The following OPCML variants were observed in gnomAD, a reference collection of about 807,000 sequenced individuals.
The protein encoded by OPCML is opioid binding protein/cell adhesion molecule like, also known as opioid-binding protein/cell adhesion molecule.
OPCML carries 13 observed loss-of-function variants against 37.8 expected under a neutral mutation model. That is an observed-to-expected ratio of 0.34 (90% confidence interval 0.22 to 0.55). The LOEUF (loss-of-function observed/expected upper bound fraction) is 0.55. Ranked by LOEUF, OPCML falls within the 20% of genes least tolerant of loss-of-function variation. The probability of loss-of-function intolerance (pLI) is 0.91; values close to 1 mark genes in which losing one functional copy is unlikely to be tolerated. For missense variants in OPCML, 341 were observed against 435.6 expected (o/e 0.78, Z 1.93); for synonymous variants, 176 against 168.8 (o/e 1.04, Z -0.33).
chr11:132,912,193 A>G (rs1298979796), intron 2 of OPCML, among the ~76,000 whole-genome samples: 1 of 152,218 alleles, frequency 6.6e-6, no homozygotes. Context: ...AAGACTGCAA[A>G]GCTCTCAGAT....
intron 1 of OPCML, chr11:133,005,755 A>G (rs1947098677): frequency 1.0e-6 from 1 of 982,008 alleles, no homozygotes. Flanking sequence ...CTTTCTTTTT[A>G]AAAATTGAAT....
rs569965437 is a variant in OPCML, at chr11:133,081,777, C to T, written c.62-138767G>A. Among the ~76,000 whole-genome samples, 9 of 152,252 alleles carry T rather than the reference C, an allele frequency of 5.9e-5. No individual in the cohort carries two copies. In the East Asian group the frequency reaches 1.7e-3, roughly 30 times the overall value. ...CTCCTTCTAGAAGGAGAAACTGAGG[C>T]CACAGTAAACATCCAGCCCCCGCCG... is the stretch of plus-strand genomic sequence containing the variant. On this transcript the variant is annotated intron_variant, in intron 1 of 7. Coordinates refer to ENST00000524381, the MANE Select transcript of OPCML (RefSeq NM_001012393.5).
intron 4 of OPCML, among the ~76,000 whole-genome samples, chr11:132,481,369 C>A (rs1298565528): frequency 6.6e-6 from 1 of 151,872 alleles, no homozygotes; most frequent in Non-Finnish European, 1.5e-5. Context: ...GAAGAGCTAA[C>A]TATCCTAAAT....
chr11:132,802,912 T>G (rs1938759377), intron 2 of OPCML, among the ~76,000 whole-genome samples: 1 of 152,202 alleles, frequency 6.6e-6, no homozygotes. Context: ...AATTAAATGC[T>G]TTTTTCTTCC....
At chr11:132,929,881 A>T (rs185249710) in intron 2 of OPCML, among the ~76,000 whole-genome samples, 30 of 152,336 alleles carry the variant, frequency 2.0e-4, no homozygotes, top group Admixed American at 2.6e-4. Flanking sequence ...TACTCAATAA[A>T]CTAGGAATAG....
intron 2 of OPCML, among the ~76,000 whole-genome samples, chr11:132,737,797 G>T (rs1452544465): frequency 6.6e-6 from 1 of 152,132 alleles, no homozygotes; most frequent in African/African-American, 2.4e-5. Context: ...TATAGTCTTA[G>T]AATAAACTAT....
intron 4 of OPCML, among the ~76,000 whole-genome samples, chr11:132,441,702 C>T (rs1292510796): frequency 6.6e-6 from 1 of 152,200 alleles, no homozygotes; most frequent in Non-Finnish European, 1.5e-5. Flanking sequence ...GAGGCTGTTT[C>T]CATGGAAAGA....
At chr11:133,013,386 G>A (rs1947258895) in intron 1 of OPCML, among the ~76,000 whole-genome samples, 1 of 151,920 alleles carries the variant, frequency 6.6e-6, no homozygotes, top group Non-Finnish European at 1.5e-5. Flanking sequence ...CTACAATAAG[G>A]CAAAATTTTA....
intron 1 of OPCML, among the ~76,000 whole-genome samples, chr11:133,225,491 C>T (rs750527457): frequency 6.6e-6 from 1 of 152,110 alleles, no homozygotes; most frequent in African/African-American, 2.4e-5. Context: ...TTCCCCAATG[C>T]GAGTGCTGTA....
chr11:132,961,522 T>C (rs909265940), intron 1 of OPCML, among the ~76,000 whole-genome samples: 1 of 152,136 alleles, frequency 6.6e-6, no homozygotes, highest in African/African-American at 2.4e-5. Context: ...AGAAGAAAAG[T>C]CAGTGCCGAG....
intron 1 of OPCML, among the ~76,000 whole-genome samples, chr11:133,042,277 G>C (rs533648511): frequency 2.0e-5 from 3 of 152,334 alleles, no homozygotes; most frequent in East Asian, 3.9e-4. Flanking sequence ...AAAGGGTCCT[G>C]GGAGCCTAAT....
At chr11:132,609,991 C>T (rs899781133) in intron 3 of OPCML, among the ~76,000 whole-genome samples, 1 of 151,728 alleles carries the variant, frequency 6.6e-6, no homozygotes, top group Non-Finnish European at 1.5e-5. Flanking sequence ...CCATCACACA[C>T]ACACACAAAT....
chr11:133,503,063 G>T (rs1591574517), intron 1 of OPCML, among the ~76,000 whole-genome samples: 1 of 152,222 alleles, frequency 6.6e-6, no homozygotes, highest in African/African-American at 2.4e-5. Context: ...AAAGGACACA[G>T]GGGATTTGAG....
intron 4 of OPCML, among the ~76,000 whole-genome samples, chr11:132,502,055 G>A (rs2137127430): frequency 6.6e-6 from 1 of 152,304 alleles, no homozygotes; most frequent in African/African-American, 2.4e-5. Context: ...AAGACCAAAA[G>A]ACATGCTTTC....
intron 3 of OPCML, among the ~76,000 whole-genome samples, chr11:132,543,141 A>T (rs1406754891): frequency 6.6e-6 from 1 of 152,204 alleles, no homozygotes; most frequent in Non-Finnish European, 1.5e-5. Context: ...GGTGGCATGC[A>T]GATGATAGAG....
chr11:133,181,446 A>G (rs970496827), intron 1 of OPCML, among the ~76,000 whole-genome samples: 1 of 148,968 alleles, frequency 6.7e-6, no homozygotes, highest in African/African-American at 2.5e-5. Flanking sequence ...TCTGCAATTA[A>G]CTCAGAATAG....
chr11:132,971,995 C>T (rs1181386623), intron 1 of OPCML, among the ~76,000 whole-genome samples: 1 of 152,182 alleles, frequency 6.6e-6, no homozygotes, highest in Non-Finnish European at 1.5e-5. Context: ...TTTGCTTTTA[C>T]AGCAGAACCA....
chr11:132,942,952 G>T lies in OPCML; in HGVS notation c.120C>A (p.Val40=). The T allele has an allele frequency of 6.2e-7, 1 of 1,614,108 alleles. No homozygotes were observed. ...TGAGGGTGGCGCTCTCCCCCTGCCG[G>T]ACCGTCACGTTGTCCATAGCTTTGG... is the stretch of plus-strand genomic sequence containing the variant. ...TFPKAMDNVT[V]RQGESATLRC... Residue 40 remains valine (V), a synonymous_variant, in exon 2 of 8, where the codon GTC becomes GTA. Transcript: ENST00000524381.
At chr11:133,375,712 T>C (rs2136764638) in intron 1 of OPCML, among the ~76,000 whole-genome samples, 1 of 152,260 alleles carries the variant, frequency 6.6e-6, no homozygotes, top group Admixed American at 6.5e-5. Context: ...CAATTAAACT[T>C]ATTTTTCAAA....
Sources: allele counts gnomAD v4.1 joint callset (sites outside exome capture counted in the v4.1 genomes callset), GRCh38; gene constraint gnomAD v4.1.1; transcripts MANE v1.5; gene names NCBI Gene and HGNC (gene_info 2026-07-23, HGNC 2026-07-21).